Variants in RIGI observed in about 807,000 individuals in gnomAD.
RIGI encodes the protein RNA sensor RIG-I.
the RIGI span, among the ~76,000 whole-genome samples, chr9:32,478,638 C>T: frequency 0.028 from 4,269 of 152,230 alleles, 90 homozygotes; most frequent in Non-Finnish European, 0.042. Context: ...CGGCTCACTG[C>T]AACGTCTGCC....
chr9:32,509,836 C>A, the RIGI span, among the ~76,000 whole-genome samples: 1 of 151,736 alleles, frequency 6.6e-6, no homozygotes, highest in African/African-American at 2.4e-5. Context: ...AGCTACAAAC[C>A]TTGAAAAAAG....
the RIGI span, among the ~76,000 whole-genome samples, chr9:32,474,202 C>CAAAAA: frequency 1.2e-4 from 6 of 50,910 alleles, 1 homozygote; most frequent in African/African-American, 1.7e-4. Flanking sequence ...GACCCTGTCT[C>CAAAAA]AAAAAAAAAA....
At chr9:32,491,707 A>G in the RIGI span, among the ~76,000 whole-genome samples, 3 of 98,852 alleles carry the variant, frequency 3.0e-5, no homozygotes, top group African/African-American at 7.3e-5. Context: ...AGGGATTCGT[A>G]TGCACCAAAA....
At chr9:32,459,531 G>T in the RIGI span, 1 of 1,599,340 alleles carries the variant, frequency 6.3e-7, no homozygotes, top group Non-Finnish European at 8.5e-7. Flanking sequence ...CAAAAAGAAA[G>T]ACCGCAAATG....
chr9:32,485,626 C>T, the RIGI span: 5 of 404,470 alleles, frequency 1.2e-5, no homozygotes, highest in South Asian at 3.7e-5. Context: ...CTGCAACCTC[C>T]GTCTCCCAGG....
the RIGI span, among the ~76,000 whole-genome samples, chr9:32,465,410 G>A: frequency 1.8e-4 from 27 of 152,228 alleles, no homozygotes; most frequent in Non-Finnish European, 3.1e-4. Context: ...CTATGGAGTT[G>A]GTCTATTAAA....
At chr9:32,499,905 C>T in the RIGI span, among the ~76,000 whole-genome samples, 4 of 152,188 alleles carry the variant, frequency 2.6e-5, no homozygotes, top group Non-Finnish European at 5.9e-5. Flanking sequence ...CAGGCACACG[C>T]CACCATGTCC....
the RIGI span, among the ~76,000 whole-genome samples, chr9:32,506,938 T>C: frequency 6.6e-6 from 1 of 152,226 alleles, no homozygotes. Context: ...TCTTAAAATA[T>C]ATAATATGTT....
chr9:32,519,210 T>G, the RIGI span, among the ~76,000 whole-genome samples: 2 of 152,180 alleles, frequency 1.3e-5, no homozygotes, highest in African/African-American at 4.8e-5. Context: ...TATTTGCTGT[T>G]TCTTCTTCTT....
At chr9:32,515,404 A>G in the RIGI span, among the ~76,000 whole-genome samples, 130 of 151,912 alleles carry the variant, frequency 8.6e-4, no homozygotes, top group Middle Eastern at 3.5e-3. Flanking sequence ...AAATCCTACT[A>G]ATGTATTCCC....
At chr9:32,465,285 T>C in the RIGI span, among the ~76,000 whole-genome samples, 1 of 152,240 alleles carries the variant, frequency 6.6e-6, no homozygotes, top group South Asian at 2.1e-4. Flanking sequence ...TTTAGACTAG[T>C]AAACATTGAC....
At chr9:32,481,636 A>G in the RIGI span, 2 of 628,250 alleles carry the variant, frequency 3.2e-6, no homozygotes, top group Non-Finnish European at 2.6e-6. Flanking sequence ...CCCAGGCTGT[A>G]GTACAATGGC....
the RIGI span, among the ~76,000 whole-genome samples, chr9:32,494,520 T>C: frequency 6.6e-6 from 1 of 152,186 alleles, no homozygotes; most frequent in East Asian, 1.9e-4. Flanking sequence ...TTCAACCTCA[T>C]TCTTTTTTAA....
chr9:32,475,109 G>A, the RIGI span, among the ~76,000 whole-genome samples: 44 of 152,140 alleles, frequency 2.9e-4, no homozygotes, highest in African/African-American at 9.6e-4. Context: ...AAGCCACCAC[G>A]CTAGGCTAAT....
At chr9:32,517,900 C>T in the RIGI span, among the ~76,000 whole-genome samples, 2 of 152,124 alleles carry the variant, frequency 1.3e-5, no homozygotes, top group African/African-American at 4.8e-5. Flanking sequence ...TGTAAATGAA[C>T]TTTTGGCATA....
chr9:32,492,040 G>C, the RIGI span, among the ~76,000 whole-genome samples: 4 of 152,166 alleles, frequency 2.6e-5, no homozygotes, highest in African/African-American at 7.2e-5. Context: ...CTCTGAAAAG[G>C]GGGTAAGTCC....
chr9:32,500,801 T>G, the RIGI span: 2 of 1,610,278 alleles, frequency 1.2e-6, no homozygotes, highest in Non-Finnish European at 1.7e-6. Context: ...AAGAATGAAC[T>G]AACCTGCATG....
At chr9:32,488,201 T>C in the RIGI span, 3 of 1,612,936 alleles carry the variant, frequency 1.9e-6, no homozygotes, top group East Asian at 4.5e-5. Flanking sequence ...TGTAACTCTA[T>C]ACCTGGGAAA....
the RIGI span, chr9:32,489,485 T>C: frequency 1.6e-5 from 23 of 1,418,086 alleles, no homozygotes; most frequent in Non-Finnish European, 2.3e-5. Context: ...TACCAAACAG[T>C]TCCTGCTCTG....
Sources: gnomAD v4.1 joint callset for allele counts (sites outside exome capture counted in the v4.1 genomes callset) on GRCh38, gnomAD v4.1.1 for gene constraint, MANE v1.5 for transcripts, NCBI Gene and HGNC (gene_info 2026-07-23, HGNC 2026-07-21) for gene names.